TXK: variants seen among roughly 807,000 people sequenced by gnomAD.
The protein encoded by TXK is tyrosine-protein kinase TXK.
A neutral mutation model predicts 81.0 loss-of-function variants in TXK; 60 were observed. The observed-to-expected ratio is 0.74, with a 90% CI of 0.60 to 0.92. The LOEUF (loss-of-function observed/expected upper bound fraction) is 0.92. TXK is among the 40% of genes least tolerant of loss of function. The probability of loss-of-function intolerance (pLI) is 0.00; values close to 1 mark genes in which losing one functional copy is unlikely to be tolerated. For missense variants in TXK, 581 were observed against 638.3 expected (o/e 0.91, Z 0.97); for synonymous variants, 203 against 210.7 (o/e 0.96, Z 0.32).
intron 14 of TXK, 92 bp downstream of exon 14, chr4:48,071,425 A>G (rs1157466019): frequency 7.6e-7 from 1 of 1,315,478 alleles, no homozygotes; most frequent in East Asian, 2.3e-5. Context: ...TTTTCCTGCC[A>G]TGACAGAGTT....
chr4:48,104,269 ATATAATATAT>A (rs1244845573), intron 6 of TXK, among the ~76,000 whole-genome samples: 1 of 8,468 alleles, frequency 1.2e-4, no homozygotes, highest in African/African-American at 1.0e-3. Context: ...ATAATATATA[ATATAATATAT>A]AATATATATA....
intron 1 of TXK, among the ~76,000 whole-genome samples, chr4:48,133,944 T>C (rs1168591742): frequency 6.6e-6 from 1 of 152,248 alleles, no homozygotes; most frequent in African/African-American, 2.4e-5. Flanking sequence ...TTTTCTTTCA[T>C]TTATGTTCTC....
chr4:48,085,734 G>T (rs960771927), intron 10 of TXK, among the ~76,000 whole-genome samples: 4 of 152,120 alleles, frequency 2.6e-5, no homozygotes, highest in African/African-American at 9.7e-5. Flanking sequence ...ATTGAGAGGA[G>T]TTCTGCTGGG....
chr4:48,089,785 C>T lies in TXK; in HGVS notation c.749G>A (p.Gly250Asp), dbSNP rs1177387042. ...TRLRYPVGLM[G>D]SCLPATAGFS... is the part of the protein sequence containing the mutation. ...CCCAGCTGTGGCTGGTAAACAACTG[C>T]CCATCAGCCCAACTGGATATCGGAG... The change falls in exon 9 of 15, where the codon GGC (glycine) becomes GAC (aspartate). Residue 250 changes from glycine (G) to aspartate (D), a missense_variant. Gly to Asp is a moderately conservative substitution (Grantham distance 94). Transcript: ENST00000264316. The T allele has an allele frequency of 6.2e-7, 1 of 1,613,582 alleles. No individual in the cohort carries two copies. The highest frequency in any genetic ancestry group is 1.7e-5 in the Admixed American group (1 of 59,978).
intron 14 of TXK, among the ~76,000 whole-genome samples, chr4:48,069,818 CGT>C (rs1236392945): frequency 2.0e-5 from 3 of 152,164 alleles, no homozygotes; most frequent in African/African-American, 7.2e-5. Flanking sequence ...TACACACACA[CGT>C]GTGTATTATT....
intron 1 of TXK, among the ~76,000 whole-genome samples, chr4:48,121,068 C>T (rs1254272074): frequency 6.6e-6 from 1 of 152,132 alleles, no homozygotes; most frequent in Non-Finnish European, 1.5e-5. Context: ...GCTAGATTTC[C>T]CGCAAAGCTT....
At chr4:48,086,180 AG>A in intron 10 of TXK, among the ~76,000 whole-genome samples, 1 of 152,246 alleles carries the variant, frequency 6.6e-6, no homozygotes, top group African/African-American at 2.4e-5. Flanking sequence ...AAAGGTGTCA[AG>A]GGAATTCTCC....
In TXK at chr4:48,086,788, T is replaced by G. The variant is rs145673806; in HGVS notation, c.785-151A>C. On this transcript the variant is annotated intron_variant, in intron 9 of 14. Coordinates refer to ENST00000264316, the MANE Select transcript of TXK (RefSeq NM_003328.3). ...TATGAAGCCATTTTAATACTCTCACTGTGGCTTAAACGTAATTCAAGGACT... is the reference window on the plus strand; with the variant it reads ...TATGAAGCCATTTTAATACTCTCACGGTGGCTTAAACGTAATTCAAGGACT... The G allele has an allele frequency of 4.0e-5, 27 of 681,360 alleles. 1 individual carries two copies. In the East Asian group the frequency reaches 7.1e-4, roughly 18 times the overall value. 42.2% of individuals were successfully genotyped at this position (681,360 alleles called of 1,614,324 possible). A position where few individuals can be genotyped will look rare whatever the true frequency, so the allele number is the denominator to read the frequency against.
chr4:48,100,080 G>A (rs1056274983), intron 6 of TXK, among the ~76,000 whole-genome samples: 2 of 144,342 alleles, frequency 1.4e-5, no homozygotes, highest in Admixed American at 7.6e-5. Flanking sequence ...GCTGAGGCAG[G>A]AGAATGGCGT....
At chr4:48,068,893 C>T (rs569283280) in intron 14 of TXK, among the ~76,000 whole-genome samples, 19 of 152,354 alleles carry the variant, frequency 1.2e-4, no homozygotes, top group African/African-American at 4.1e-4. Flanking sequence ...CTTATTGAGA[C>T]TCTGGGCATA....
chr4:48,074,077 T>C, intron 12 of TXK, 24 bp from the exon 13 acceptor site: 1 of 1,550,660 alleles, frequency 6.4e-7, no homozygotes, highest in Non-Finnish European at 8.9e-7. Flanking sequence ...ATTCAAAGCA[T>C]ATTGTGTTAA....
intron 11 of TXK, among the ~76,000 whole-genome samples, chr4:48,076,871 C>T (rs1340554697): frequency 2.6e-5 from 4 of 152,190 alleles, no homozygotes; most frequent in Middle Eastern, 3.2e-3. Context: ...TCAAATGACC[C>T]ACCCACCTTG....
At chr4:48,076,371 C>A in intron 12 of TXK, 31 bp downstream of exon 12, 1 of 1,475,906 alleles carries the variant, frequency 6.8e-7, no homozygotes, top group Non-Finnish European at 9.2e-7. Flanking sequence ...AACAAACAAA[C>A]AAAATACATA....
At position 48,104,828 on chromosome 4, in the gene TXK, T is replaced by C. The variant is rs1046756636; in HGVS notation, c.501+73A>G. 5 of 1,164,890 alleles carry C rather than the reference T, an allele frequency of 4.3e-6. No homozygotes were observed. The East Asian group carries it at 7.6e-5, about 18-fold the overall frequency. The allele number at this position is 1,164,890 out of a possible 1,614,324, so 72.2% of individuals were successfully genotyped here. The stretch of plus-strand genomic sequence containing the variant: ...CTAGAAAAGACAAGAAATAATATAC[T>C]TTTTTAGTTGGTTAAAGTCTTTATA... On this transcript the variant is annotated intron_variant, in intron 6 of 14. Transcript: ENST00000264316.
chr4:48,096,665 A>C (rs1717992977), intron 6 of TXK, among the ~76,000 whole-genome samples: 2 of 152,106 alleles, frequency 1.3e-5, no homozygotes, highest in African/African-American at 4.8e-5. Context: ...AGTAGCTGGA[A>C]TTACAGGCAC....
At chr4:48,112,258 CTTT>C (rs765117506) in intron 4 of TXK, 46 bp downstream of exon 4, 2 of 1,564,278 alleles carry the variant, frequency 1.3e-6, no homozygotes, top group African/African-American at 1.4e-5. Flanking sequence ...AAGTAGTCTT[CTTT>C]GTGTTGGAAG....
chr4:48,131,762 C>A (rs1306635158), intron 1 of TXK, among the ~76,000 whole-genome samples: 3 of 152,172 alleles, frequency 2.0e-5, no homozygotes, highest in African/African-American at 7.2e-5. Context: ...TTATATATAA[C>A]CGAATCCTTC....
chr4:48,123,279 A>G (rs1345429895), intron 1 of TXK, among the ~76,000 whole-genome samples: 2 of 152,216 alleles, frequency 1.3e-5, no homozygotes, highest in Non-Finnish European at 2.9e-5. Context: ...CTACATGTAC[A>G]TAACTTTTAG....
chr4:48,111,873 C>T lies in TXK; in HGVS notation c.380+434G>A, dbSNP rs538987962. Among the ~76,000 whole-genome samples the T allele has an allele frequency of 4.0e-4, 61 of 152,232 alleles. No homozygotes were observed. In the East Asian group the frequency reaches 0.011, roughly 27 times the overall value. On this transcript the variant is annotated intron_variant, in intron 4 of 14. Coordinates refer to ENST00000264316, the MANE Select transcript of TXK (RefSeq NM_003328.3). ...TTTTCTTTCTAATCTAATTCAGCAG[C>T]GACTGCAATGTTTGCTTTCAAAACT...
Sources: gnomAD v4.1 joint callset for allele counts (sites outside exome capture counted in the v4.1 genomes callset) on GRCh38, gnomAD v4.1.1 for gene constraint, MANE v1.5 for transcripts, NCBI Gene and HGNC (gene_info 2026-07-23, HGNC 2026-07-21) for gene names.